The following ADGRL2 variants were observed in gnomAD, a reference collection of about 807,000 sequenced individuals.
ADGRL2 encodes calcium-independent alpha-latrotoxin receptor 2.
A neutral mutation model predicts 157.4 loss-of-function variants in ADGRL2; 44 were observed. That is an observed-to-expected ratio of 0.28 (90% CI 0.22 to 0.36). ADGRL2 has a LOEUF of 0.36. ADGRL2 is among the 10% of genes least tolerant of loss of function. ADGRL2 has a pLI of 1.00. For missense variants in ADGRL2, 1,510 were observed against 1,768.9 expected (o/e 0.85, Z 2.63); for synonymous variants, 585 against 624.7 (o/e 0.94, Z 0.95).
At chr1:81,492,652 G>T (rs1236027148) in intron 2 of ADGRL2, among the ~76,000 whole-genome samples, 9 of 152,102 alleles carry the variant, frequency 5.9e-5, no homozygotes, top group Non-Finnish European at 1.5e-5. Context: ...TCTAAAGTTG[G>T]AAAAACTAAT....
At chr1:81,648,507 T>C (rs2148828386) in intron 3 of ADGRL2, among the ~76,000 whole-genome samples, 1 of 152,308 alleles carries the variant, frequency 6.6e-6, no homozygotes, top group South Asian at 2.1e-4. Flanking sequence ...AAAAGACATA[T>C]CTTTCTTCTC....
intron 2 of ADGRL2, among the ~76,000 whole-genome samples, chr1:81,510,689 G>A (rs1011136943): frequency 2.6e-5 from 4 of 152,186 alleles, no homozygotes; most frequent in Non-Finnish European, 5.9e-5. Context: ...CCCCTAGGGG[G>A]CAGAAAGTTA....
At chr1:81,488,688 C>G (rs770082038) in intron 2 of ADGRL2, among the ~76,000 whole-genome samples, 1 of 151,792 alleles carries the variant, frequency 6.6e-6, no homozygotes, top group Non-Finnish European at 1.5e-5. Flanking sequence ...GCCTAGGTGA[C>G]AGAATGAGAC....
At chr1:81,687,256 T>C (rs2083247915) in intron 3 of ADGRL2, among the ~76,000 whole-genome samples, 1 of 152,216 alleles carries the variant, frequency 6.6e-6, no homozygotes, top group African/African-American at 2.4e-5. Context: ...TCCCCCACTA[T>C]TATTGTGTTG....
chr1:81,687,341 G>A (rs1318373020), intron 3 of ADGRL2, among the ~76,000 whole-genome samples: 2 of 152,136 alleles, frequency 1.3e-5, no homozygotes, highest in East Asian at 3.8e-4. Context: ...GTGCATATAT[G>A]TTTAGGATTG....
chr1:81,613,439 T>A (rs562044055), intron 3 of ADGRL2, among the ~76,000 whole-genome samples: 1 of 152,112 alleles, frequency 6.6e-6, no homozygotes, highest in African/African-American at 2.4e-5. Context: ...TTGAAGGTCA[T>A]ATAGAGATAA....
chr1:81,609,568 G>A (rs1308412409), intron 3 of ADGRL2, among the ~76,000 whole-genome samples: 1 of 152,118 alleles, frequency 6.6e-6, no homozygotes, highest in Non-Finnish European at 1.5e-5. Flanking sequence ...TAGCTCACAA[G>A]CATGAGAGAG....
At chr1:81,536,477 G>T (rs1052619156) in intron 2 of ADGRL2, among the ~76,000 whole-genome samples, 2 of 152,168 alleles carry the variant, frequency 1.3e-5, no homozygotes, top group African/African-American at 2.4e-5. Context: ...TCTAAGGAGG[G>T]AGGAAATGTG....
intron 1 of ADGRL2, among the ~76,000 whole-genome samples, chr1:81,343,092 C>CT (rs544677891): frequency 0.05 from 6,606 of 131,020 alleles, 346 homozygotes; most frequent in South Asian, 0.095. Context: ...TTTTTCTTTT[C>CT]TTTTTTTTTT....
chr1:81,736,490 T>A (rs765698149), intron 1 of ADGRL2, among the ~76,000 whole-genome samples: 4 of 152,178 alleles, frequency 2.6e-5, no homozygotes, highest in Non-Finnish European at 5.9e-5. Context: ...ATTATTTATT[T>A]ATTGGGTTAT....
In ADGRL2 at chr1:81,552,701, G is replaced by T. The variant is rs1189883544; in HGVS notation, c.-247-28175G>T. The stretch of plus-strand genomic sequence containing the variant: ...CTAAGCCTGGTCAGATACATGAAAG[G>T]GTTTAAGCTGTTAATTTTCACATAT... On this transcript the variant is annotated intron_variant, in intron 2 of 24. Transcript: ENST00000370721. 2.0e-5 allele frequency among the ~76,000 whole-genome samples: 3 copies of T among 151,244 alleles called. No individual in the cohort carries two copies. The East Asian group carries it at 5.8e-4, about 29-fold the overall frequency.
chr1:81,829,143 C>T (rs906381105), intron 1 of ADGRL2, among the ~76,000 whole-genome samples: 3 of 152,074 alleles, frequency 2.0e-5, no homozygotes, highest in Non-Finnish European at 4.4e-5. Flanking sequence ...AACTCCTGAC[C>T]TCAGGCAATC....
chr1:81,957,796 G>A (rs1039764665), intron 11 of ADGRL2, among the ~76,000 whole-genome samples: 4 of 151,958 alleles, frequency 2.6e-5, no homozygotes, highest in African/African-American at 9.7e-5. Flanking sequence ...AAACACTATG[G>A]AGAGACTGGC....
chr1:81,778,877 G>T (rs1212459254), intron 2 of ADGRL2, among the ~76,000 whole-genome samples: 1 of 152,132 alleles, frequency 6.6e-6, no homozygotes, highest in African/African-American at 2.4e-5. Flanking sequence ...AGCTCTACAC[G>T]TTTGTAGTTG....
chr1:81,661,783 T>A (rs991534318), intron 3 of ADGRL2, among the ~76,000 whole-genome samples: 1 of 152,156 alleles, frequency 6.6e-6, no homozygotes, highest in Non-Finnish European at 1.5e-5. Context: ...TGACAATAAA[T>A]CATAGGGTCA....
chr1:81,390,299 T>G (rs4417124), intron 1 of ADGRL2, among the ~76,000 whole-genome samples: 1 of 151,594 alleles, frequency 6.6e-6, no homozygotes, highest in South Asian at 2.1e-4. Flanking sequence ...CGTAAAAGAG[T>G]TATGAAAACT....
intron 1 of ADGRL2, among the ~76,000 whole-genome samples, chr1:81,324,351 A>T (rs1419633266): frequency 6.9e-6 from 1 of 145,834 alleles, no homozygotes; most frequent in Non-Finnish European, 1.5e-5. Flanking sequence ...AAAAAAAAAA[A>T]TACAAAAATC....
chr1:81,588,048 G>T (rs1462180308), intron 3 of ADGRL2, among the ~76,000 whole-genome samples: 1 of 152,090 alleles, frequency 6.6e-6, no homozygotes, highest in Non-Finnish European at 1.5e-5. Flanking sequence ...TTTACAAAGG[G>T]AGTGCTCTTG....
chr1:81,545,953 G>A (rs76256396), intron 2 of ADGRL2, among the ~76,000 whole-genome samples: 2,983 of 152,278 alleles, frequency 0.02, 94 homozygotes, highest in African/African-American at 0.068. Context: ...CAGTGAGCCC[G>A]TGCTCTCTCT....
Sources: gnomAD v4.1 joint callset for allele counts (sites outside exome capture counted in the v4.1 genomes callset) on GRCh38, gnomAD v4.1.1 for gene constraint, MANE v1.5 for transcripts, NCBI Gene and HGNC (gene_info 2026-07-23, HGNC 2026-07-21) for gene names.